The following AFF2 variants were observed in gnomAD, a reference collection of about 807,000 sequenced individuals.
The protein encoded by AFF2 is AF4/FMR2 family member 2.
AFF2 carries 14 observed loss-of-function variants against 76.9 expected under a neutral mutation model. The observed-to-expected ratio is 0.18, with a 90% CI of 0.12 to 0.28. The LOEUF (loss-of-function observed/expected upper bound fraction) is 0.28, where lower values mean the gene tolerates loss of function less well. AFF2 is among the 10% of genes least tolerant of loss of function. AFF2 has a pLI of 1.00. For missense variants in AFF2, 868 were observed against 1,001.1 expected (o/e 0.87, Z 1.79); for synonymous variants, 398 against 366.7 (o/e 1.09, Z -0.98).
intron 1 of AFF2, among the ~76,000 whole-genome samples, chrX:148,633,295 C>G (rs2053997847): frequency 8.9e-6 from 1 of 111,804 alleles, no homozygotes; most frequent in African/African-American, 3.3e-5. Flanking sequence ...CACCCTGAAA[C>G]TAATCTTACT....
Position 148,581,388 on chromosome X carries a change from G to A in AFF2, c.48-70611G>A, listed in dbSNP as rs1325960750. On this transcript the variant is annotated intron_variant, in intron 1 of 20. Coordinates refer to ENST00000370460, the MANE Select transcript of AFF2 (RefSeq NM_002025.4). ...CGTATACGTGTACACACATATACACGTATATACGTATACGTGTACACACAT... is the reference window on the plus strand; with the variant it reads ...CGTATACGTGTACACACATATACACATATATACGTATACGTGTACACACAT... Among the ~76,000 whole-genome samples, 35 of 13,122 alleles carry A rather than the reference G, an allele frequency of 2.7e-3. 6 individuals are homozygous for A. Among genetic ancestry groups the A allele is most frequent in the African/African-American group, 6.2e-3 (35 of 5,662 alleles). The allele number at this position is 13,122 out of a possible 115,157, so 11.4% of individuals were successfully genotyped here. A position where few individuals can be genotyped will look rare whatever the true frequency, so the allele number is the denominator to read the frequency against.
Position 148,962,899 on chromosome X carries a change from G to A in AFF2, c.2875G>A (p.Gly959Ser), listed in dbSNP as rs782015120. ...ATCTACCAAACCTAAGAGAACTGAA[G>A]GCAAATTCTGTGCTACTTTCAAAGG... is the stretch of plus-strand genomic sequence containing the variant. ...ITSTKPKRTEGKFCATFKGIS... is the reference protein window; with the variant it reads ...ITSTKPKRTESKFCATFKGIS... Residue 959 changes from glycine (G) to serine (S), a missense_variant, in exon 13 of 21, where the codon GGC (glycine) becomes AGC (serine). Physicochemically the swap from Gly to Ser is moderately conservative, Grantham distance 56 (BLOSUM62 0). Coordinates refer to ENST00000370460, the MANE Select transcript of AFF2 (RefSeq NM_002025.4). 17 of 1,201,493 alleles carry A rather than the reference G, an allele frequency of 1.4e-5. No homozygotes were observed. The highest frequency in any genetic ancestry group is 1.9e-5 in the Non-Finnish European group (17 of 887,693).
At chrX:148,854,866 G>A (rs1479949491) in intron 7 of AFF2, among the ~76,000 whole-genome samples, 2 of 111,083 alleles carry the variant, frequency 1.8e-5, no homozygotes, top group Non-Finnish European at 3.8e-5. Flanking sequence ...CAGGACTTTT[G>A]TTGTTGTTGT....
chrX:148,679,514 G>A (rs1311138151), intron 3 of AFF2, among the ~76,000 whole-genome samples: 2 of 111,370 alleles, frequency 1.8e-5, no homozygotes, highest in South Asian at 3.8e-4. Context: ...GGCAGTAGGC[G>A]TTATAATTAC....
chrX:148,616,026 T>C (rs1169687964), intron 1 of AFF2, among the ~76,000 whole-genome samples: 2 of 111,952 alleles, frequency 1.8e-5, no homozygotes, highest in Non-Finnish European at 3.8e-5. Context: ...AGAAAATCAG[T>C]CTAAGAATCT....
At chrX:148,795,177 A>C (rs1490965896) in intron 3 of AFF2, among the ~76,000 whole-genome samples, 2 of 111,577 alleles carry the variant, frequency 1.8e-5, no homozygotes, top group Non-Finnish European at 3.8e-5. Flanking sequence ...GTAATTGAAG[A>C]TATTCTTTAT....
intron 1 of AFF2, among the ~76,000 whole-genome samples, chrX:148,561,772 T>C (rs1175865279): frequency 1.8e-5 from 2 of 111,596 alleles, no homozygotes; most frequent in Non-Finnish European, 3.8e-5. Context: ...TACTTTACTT[T>C]TTTGAGGGCT....
intron 3 of AFF2, among the ~76,000 whole-genome samples, chrX:148,739,688 CT>C (rs1176143669): frequency 1.8e-5 from 2 of 110,866 alleles, no homozygotes; most frequent in Non-Finnish European, 3.8e-5. Context: ...TGCCTGTGTA[CT>C]TTTTTTTAGT....
At chrX:148,834,545 GTGTA>G (rs1214872558) in intron 4 of AFF2, among the ~76,000 whole-genome samples, 4 of 96,706 alleles carry the variant, frequency 4.1e-5, no homozygotes, top group African/African-American at 1.5e-4. Flanking sequence ...GTGTGTGTGT[GTGTA>G]TGTAACTTAT....
intron 1 of AFF2, among the ~76,000 whole-genome samples, chrX:148,582,070 G>A (rs1218947173): frequency 9.0e-6 from 1 of 111,325 alleles, no homozygotes; most frequent in African/African-American, 3.3e-5. Flanking sequence ...TTCATTTTGG[G>A]TTTGTCTTAT....
chrX:148,889,892 A>G (rs2071203518), intron 8 of AFF2, among the ~76,000 whole-genome samples: 1 of 111,995 alleles, frequency 8.9e-6, no homozygotes, highest in Non-Finnish European at 1.9e-5. Context: ...GATTAGGTCA[A>G]TCAATACAGG....
intron 1 of AFF2, among the ~76,000 whole-genome samples, chrX:148,502,530 T>G (rs1433453593): frequency 1.8e-5 from 2 of 112,717 alleles, no homozygotes; most frequent in Non-Finnish European, 3.8e-5. Context: ...ATAAGGCGTT[T>G]TGGATACCAC....
chrX:148,513,318 A>G (rs781993706), intron 1 of AFF2, among the ~76,000 whole-genome samples: 3 of 111,795 alleles, frequency 2.7e-5, no homozygotes, highest in Non-Finnish European at 5.6e-5. Flanking sequence ...TGAATGCTGC[A>G]GTAGCTGCTC....
intron 3 of AFF2, among the ~76,000 whole-genome samples, chrX:148,784,884 A>T (rs193236860): frequency 1.2e-3 from 134 of 111,480 alleles, no homozygotes; most frequent in Non-Finnish European, 2.0e-3. Flanking sequence ...GTCTCCATGC[A>T]CGGGCTGCCC....
intron 1 of AFF2, among the ~76,000 whole-genome samples, chrX:148,620,181 A>G (rs1003939499): frequency 3.6e-5 from 4 of 111,096 alleles, no homozygotes; most frequent in East Asian, 5.7e-4. Context: ...CATTGGTTGC[A>G]TAAAGTAAGG....
chrX:148,686,024 G>A (rs2054598772), intron 3 of AFF2, among the ~76,000 whole-genome samples: 1 of 109,547 alleles, frequency 9.1e-6, no homozygotes, highest in African/African-American at 3.3e-5. Flanking sequence ...TTTCTTCTCA[G>A]GAGATTTTAA....
At chrX:148,528,032 C>T (rs1475438568) in intron 1 of AFF2, among the ~76,000 whole-genome samples, 2 of 112,250 alleles carry the variant, frequency 1.8e-5, no homozygotes, top group South Asian at 3.7e-4. Flanking sequence ...GAAAGTGATG[C>T]GCTGCTAACC....
rs782801455 is a variant in AFF2 at position 148,620,526 on chromosome X, A to T, written c.48-31473A>T. On this transcript the variant is annotated intron_variant, in intron 1 of 20. Coordinates refer to ENST00000370460, the MANE Select transcript of AFF2 (RefSeq NM_002025.4). ...CATTATGCCCTGGGTTCAATTAAAA[A>T]ATATATATATATATATTGTTCTTCT... 6.2e-4 allele frequency among the ~76,000 whole-genome samples: 67 copies of T among 108,015 alleles called. No individual in the cohort carries two copies. In the South Asian group the frequency reaches 8.8e-3, roughly 14 times the overall value. The allele number at this position is 108,015 out of a possible 115,157, so 93.8% of individuals were successfully genotyped here.
At chrX:148,851,877 A>G (rs1159014978) in intron 7 of AFF2, among the ~76,000 whole-genome samples, 1 of 108,805 alleles carries the variant, frequency 9.2e-6, no homozygotes, top group Non-Finnish European at 1.9e-5. Flanking sequence ...CCCTCCTCAC[A>G]CCCTCTCCTC....
Sources: gnomAD v4.1 joint callset for allele counts (sites outside exome capture counted in the v4.1 genomes callset) on GRCh38, gnomAD v4.1.1 for gene constraint, MANE v1.5 for transcripts, NCBI Gene and HGNC (gene_info 2026-07-23, HGNC 2026-07-21) for gene names.